PTPRG: variants seen among roughly 807,000 people sequenced by gnomAD.
PTPRG encodes receptor-type tyrosine-protein phosphatase gamma.
PTPRG carries 102 observed loss-of-function variants against 165.3 expected under a neutral mutation model. The ratio of observed to expected loss-of-function variants is 0.62; its 90% CI spans 0.53 to 0.73. The LOEUF (loss-of-function observed/expected upper bound fraction) is 0.73. Among genes scored for constraint, PTPRG ranks in the 30% least tolerant of loss-of-function variants. The probability of loss-of-function intolerance (pLI) is 0.00; values close to 1 mark genes in which losing one functional copy is unlikely to be tolerated. For missense variants in PTPRG, 1,866 were observed against 1,861.4 expected (o/e 1.00, Z -0.05); for synonymous variants, 675 against 669.5 (o/e 1.01, Z -0.13).
In PTPRG at chr3:62,214,273, G is replaced by A. The variant is rs1576143787; in HGVS notation, c.2156-4578G>A. 6.6e-6 allele frequency among the ~76,000 whole-genome samples: 1 copy of A among 152,314 alleles called. No individual in the cohort carries two copies. ...TGTGAGGGTGCTGAGGAAGAGAGTG[G>A]TGGTGATGATAAGTAATGATGCTGT... is the stretch of plus-strand genomic sequence containing the variant. On this transcript the variant is annotated intron_variant, in intron 12 of 29. Coordinates refer to ENST00000474889, the MANE Select transcript of PTPRG (RefSeq NM_002841.4). The surrounding 1 kb of genome is among the most constrained non-coding windows in gnomAD (Gnocchi z 5.2).
chr3:61,582,608 T>A (rs1700327129), intron 1 of PTPRG, among the ~76,000 whole-genome samples: 1 of 152,180 alleles, frequency 6.6e-6, no homozygotes, highest in African/African-American at 2.4e-5. Context: ...TTTGTTGGGA[T>A]GCTGTGAAGG....
At chr3:62,072,173 A>G (rs1168925774) in intron 4 of PTPRG, among the ~76,000 whole-genome samples, 2 of 152,196 alleles carry the variant, frequency 1.3e-5, no homozygotes, top group Admixed American at 1.3e-4. Flanking sequence ...AGTACCTTAC[A>G]ACAGTGGAGC....
At chr3:62,081,028 C>G (rs921720417) in intron 5 of PTPRG, among the ~76,000 whole-genome samples, 1 of 151,842 alleles carries the variant, frequency 6.6e-6, no homozygotes, top group East Asian at 1.9e-4. Context: ...AAGGCCGAGG[C>G]GGGCGGATCA....
chr3:61,755,812 T>C (rs866209207), intron 2 of PTPRG, among the ~76,000 whole-genome samples: 4 of 152,288 alleles, frequency 2.6e-5, no homozygotes, highest in Middle Eastern at 6.8e-3. Flanking sequence ...CCTTATGATA[T>C]TATTCTACTA....
At chr3:62,159,694 T>C (rs1265591229) in intron 7 of PTPRG, among the ~76,000 whole-genome samples, 1 of 152,246 alleles carries the variant, frequency 6.6e-6, no homozygotes, top group Admixed American at 6.5e-5. Flanking sequence ...TCTCTAGGTA[T>C]TGTATTTCAG....
At chr3:61,862,552 A>G (rs542279826) in intron 2 of PTPRG, among the ~76,000 whole-genome samples, 2 of 151,852 alleles carry the variant, frequency 1.3e-5, no homozygotes, top group East Asian at 3.9e-4. Context: ...CACGCCCAGC[A>G]CGCCCACTAA....
chr3:62,203,662 C>A lies in PTPRG; in HGVS notation c.1867C>A (p.Pro623Thr). 6.4e-7 allele frequency: 1 copy of A among 1,563,304 alleles called. No homozygotes were observed. The highest frequency in any genetic ancestry group is 8.7e-7 in the Non-Finnish European group (1 of 1,153,340). The change falls in exon 12 of 30, where the codon CCC (proline) becomes ACC (threonine). Residue 623 changes from proline (P) to threonine (T), a missense_variant. Physicochemically the swap from Pro to Thr is conservative, Grantham distance 38 (BLOSUM62 -1). Transcript: ENST00000474889. This position sits in a 1 kb window ranked among gnomAD's most constrained non-coding sequence, Gnocchi z 6.4. Reference sequence around the variant, plus strand: ...TGCCGAGGAGCGGAATCAGACGGAGCCCAGCCCCACACCCTCGTCTCCTAA... The same window carrying A: ...TGCCGAGGAGCGGAATCAGACGGAGACCAGCCCCACACCCTCGTCTCCTAA... ...HAAEERNQTE[P>T]SPTPSSPNRT...
chr3:62,163,270 C>T (rs987820300), intron 7 of PTPRG, among the ~76,000 whole-genome samples: 1 of 151,832 alleles, frequency 6.6e-6, no homozygotes, highest in African/African-American at 2.4e-5. Context: ...TACTCAATGC[C>T]TCTAAGCCCA....
intron 1 of PTPRG, among the ~76,000 whole-genome samples, chr3:61,697,870 A>C (rs555642256): frequency 6.6e-6 from 1 of 152,200 alleles, no homozygotes; most frequent in Non-Finnish European, 1.5e-5. Flanking sequence ...GTCTGTTGTC[A>C]GTTTGAGCAC....
Position 62,015,417 on chromosome 3 carries a change from G to T in PTPRG, c.519+11920G>T, listed in dbSNP as rs536140631. Among the ~76,000 whole-genome samples, 227 of 152,306 alleles carry T rather than the reference G, an allele frequency of 1.5e-3. 1 individual carries two copies. The highest frequency in any genetic ancestry group is 5.2e-3 in the African/African-American group (217 of 41,548). On this transcript the variant is annotated intron_variant, in intron 4 of 29. Coordinates refer to ENST00000474889, the MANE Select transcript of PTPRG (RefSeq NM_002841.4). ...GGAAGCTCTGTGGCTTTTACTGCAG[G>T]CAAGATGGGAAATTGTTAGAATGTT... is the stretch of plus-strand genomic sequence containing the variant.
At chr3:61,915,670 C>T (rs957815261) in intron 2 of PTPRG, among the ~76,000 whole-genome samples, 8 of 151,932 alleles carry the variant, frequency 5.3e-5, no homozygotes, top group African/African-American at 1.9e-4. Context: ...TTCTTTCTTT[C>T]TTCTTTCTAT....
chr3:61,668,431 A>G (rs1219266712), intron 1 of PTPRG, among the ~76,000 whole-genome samples: 2 of 152,180 alleles, frequency 1.3e-5, no homozygotes, highest in East Asian at 1.9e-4. Flanking sequence ...GAAAATAGCA[A>G]TCTTAAACTT....
intron 12 of PTPRG, among the ~76,000 whole-genome samples, chr3:62,204,787 G>C (rs1381419436): frequency 6.6e-6 from 1 of 152,162 alleles, no homozygotes; most frequent in Non-Finnish European, 1.5e-5. Context: ...AGTGAGGCCA[G>C]GGCATGAGAT....
intron 5 of PTPRG, among the ~76,000 whole-genome samples, chr3:62,114,832 G>T (rs1702802387): frequency 6.6e-6 from 1 of 152,006 alleles, no homozygotes; most frequent in South Asian, 2.1e-4. Flanking sequence ...GTAGAGACAG[G>T]GTTCACTATG....
rs143636313 is a variant in PTPRG at position 61,846,898 on chromosome 3, G to T, written c.190+97916G>T. Among the ~76,000 whole-genome samples the T allele has an allele frequency of 1.3e-3, 201 of 151,348 alleles. 1 individual carries two copies. Among genetic ancestry groups the T allele is most frequent in the African/African-American group, 4.5e-3 (186 of 41,188 alleles). ...CCACTGCACTCCAGTCTGGGTATCA[G>T]AGCTAGACCCTGTCTCAAAAAATAG... On this transcript the variant is annotated intron_variant, in intron 2 of 29. Coordinates refer to ENST00000474889, the MANE Select transcript of PTPRG (RefSeq NM_002841.4).
intron 2 of PTPRG, among the ~76,000 whole-genome samples, chr3:61,972,715 G>A (rs2040412648): frequency 6.7e-6 from 1 of 149,616 alleles, no homozygotes; most frequent in South Asian, 2.1e-4. Context: ...TACAGTCGCA[G>A]AATCATGGCT....
At position 62,213,196 on chromosome 3, in the gene PTPRG, T is replaced by C. The variant is rs1364838028; in HGVS notation, c.2156-5655T>C. 1.3e-5 allele frequency among the ~76,000 whole-genome samples: 2 copies of C among 152,160 alleles called. No homozygotes were observed. The highest frequency in any genetic ancestry group is 2.9e-5 in the Non-Finnish European group (2 of 68,024). On this transcript the variant is annotated intron_variant, in intron 12 of 29. Transcript: ENST00000474889. This position sits in a 1 kb window ranked among gnomAD's most constrained non-coding sequence, Gnocchi z 4.4. ...GTTACTAAACTGTCAGAATTGTTGT[T>C]TGGCTCCATTGAAGGAAAGAAAAGA...
At chr3:61,602,488 GGA>G (rs1399311055) in intron 1 of PTPRG, among the ~76,000 whole-genome samples, 1 of 152,122 alleles carries the variant, frequency 6.6e-6, no homozygotes, top group African/African-American at 2.4e-5. Flanking sequence ...TGTTCATCAA[GGA>G]GAGAGGAAAT....
intron 8 of PTPRG, among the ~76,000 whole-genome samples, chr3:62,188,739 A>G (rs1446723494): frequency 3.3e-5 from 5 of 152,188 alleles, no homozygotes; most frequent in African/African-American, 4.8e-5. Context: ...TTCCCCATAC[A>G]GTGTTCATTG....
Sources: allele counts gnomAD v4.1 joint callset (sites outside exome capture counted in the v4.1 genomes callset), GRCh38; gene constraint gnomAD v4.1.1; non-coding constraint Gnocchi (gnomAD v3.1); transcripts MANE v1.5; gene names NCBI Gene and HGNC (gene_info 2026-07-23, HGNC 2026-07-21).